SLC24A1: variants seen among roughly 807,000 people sequenced by gnomAD.
SLC24A1 encodes sodium/potassium/calcium exchanger 1.
Under a neutral mutation model 88.1 loss-of-function variants are expected in SLC24A1, and 52 were observed. That is an observed-to-expected ratio of 0.59 (90% CI 0.47 to 0.74). SLC24A1 has a LOEUF of 0.74. Among genes scored for constraint, SLC24A1 ranks in the 30% least tolerant of loss-of-function variants. The probability of loss-of-function intolerance (pLI) is 0.00; values close to 1 mark genes in which losing one functional copy is unlikely to be tolerated. For missense variants in SLC24A1, 1,173 were observed against 1,363.3 expected (o/e 0.86, Z 2.20); for synonymous variants, 455 against 498.0 (o/e 0.91, Z 1.15).
At chr15:65,656,307 G>A, downstream of SLC24A1, 1 of 950,464 alleles carries the variant, frequency 1.1e-6, no homozygotes, top group Non-Finnish European at 1.3e-6. Context: ...CCTTTGCCTA[G>A]AAAGGAAGTT....
chr15:65,652,231 C>T, intron 8 of SLC24A1: 1 of 296,982 alleles, frequency 3.4e-6, no homozygotes, highest in Non-Finnish European at 6.4e-6. Context: ...TCTATGTCAT[C>T]CTGCTCATAC....
At chr15:65,660,234 C>G (rs1472963100), downstream of SLC24A1, 2 of 1,479,574 alleles carry the variant, frequency 1.4e-6, no homozygotes, top group East Asian at 4.9e-5. Context: ...CAGCCCCAAA[C>G]TAACTGAAGT....
intron 2 of SLC24A1, among the ~76,000 whole-genome samples, chr15:65,633,575 G>A (rs906009820): frequency 4.0e-5 from 6 of 151,684 alleles, no homozygotes; most frequent in Admixed American, 2.0e-4. Flanking sequence ...CAGGAGAATC[G>A]CTTAAACCCA....
intron 8 of SLC24A1, chr15:65,652,028 C>T: frequency 4.5e-6 from 2 of 439,604 alleles, no homozygotes; most frequent in Non-Finnish European, 8.6e-6. Context: ...GCCTTATTTC[C>T]TGCTTTCTCT....
upstream of SLC24A1, among the ~76,000 whole-genome samples, chr15:65,619,966 G>A (rs2141418237): frequency 6.6e-6 from 1 of 152,138 alleles, no homozygotes; most frequent in Non-Finnish European, 1.5e-5. Flanking sequence ...AAAAGATCAT[G>A]AGCTTTTTGA....
In SLC24A1 at chr15:65,624,523, G is replaced by A; in HGVS notation, c.443G>A (p.Ser148Asn). 1 of 1,603,516 alleles carries A rather than the reference G, an allele frequency of 6.2e-7. No homozygotes were observed. Among genetic ancestry groups the A allele is most frequent in the Non-Finnish European group, 8.5e-7 (1 of 1,174,676 alleles). Reference protein sequence around the residue: ...ERRKEDTPTSSRTLTYYTSTS... With the variant: ...ERRKEDTPTSNRTLTYYTSTS... ...AGGAAGGAAGACACCCCAACATCCA[G>A]TAGAACACTGACTTACTACACCTCA... Residue 148 changes from serine to asparagine, a missense_variant, in exon 2 of 10, where the codon AGT becomes AAT. Physicochemically the swap from Ser to Asn is conservative, Grantham distance 46. Transcript: ENST00000261892.
intron 4 of SLC24A1, chr15:65,643,155 T>G (rs1278235508): frequency 4.6e-6 from 3 of 655,790 alleles, no homozygotes; most frequent in Admixed American, 2.5e-5. Context: ...TGTCACCAAC[T>G]CTGGAAGATT....
intron 2 of SLC24A1, among the ~76,000 whole-genome samples, chr15:65,635,848 C>T (rs947971836): frequency 6.6e-6 from 1 of 152,210 alleles, no homozygotes; most frequent in African/African-American, 2.4e-5. Context: ...TCTGTATTAT[C>T]ATTGGCCTCA....
In SLC24A1 at chr15:65,625,064, G is replaced by A. The variant is rs772571056; in HGVS notation, c.984G>A (p.Met328Ile). ...TSEGQVTIST[M>I]TGSSPAETKA... is the part of the protein sequence containing the mutation. ...AGGGGCAGGTGACAATAAGCACCAT[G>A]ACAGGCAGCAGCCCAGCAGAAACCA... The change falls in exon 2 of 10, where the codon ATG becomes ATA. Residue 328 changes from methionine to isoleucine, a missense_variant. By Grantham distance (10) the Met-to-Ile change is conservative (BLOSUM62 1). Coordinates refer to ENST00000261892, the MANE Select transcript of SLC24A1 (RefSeq NM_004727.3). 91 of 1,613,662 alleles carry A rather than the reference G, an allele frequency of 5.6e-5. No individual in the cohort carries two copies. Among genetic ancestry groups the A allele is most frequent in the Non-Finnish European group, 7.6e-5 (90 of 1,179,878 alleles).
At chr15:65,619,861 C>G (rs890633048), upstream of SLC24A1, among the ~76,000 whole-genome samples, 3 of 151,976 alleles carry the variant, frequency 2.0e-5, no homozygotes, top group Non-Finnish European at 4.4e-5. Context: ...CCATCCTGTT[C>G]CAGGGGAGGG....
At chr15:65,623,344 G>A (rs930355106) in intron 1 of SLC24A1, among the ~76,000 whole-genome samples, 1 of 152,102 alleles carries the variant, frequency 6.6e-6, no homozygotes, top group African/African-American at 2.4e-5. Context: ...AGCAGAACAG[G>A]GAGTCTAGGC....
chr15:65,633,096 C>T lies in SLC24A1; in HGVS notation c.1891-5032C>T, dbSNP rs920582396. Among the ~76,000 whole-genome samples the T allele has an allele frequency of 2.0e-5, 3 of 152,114 alleles. No individual in the cohort carries two copies. In the East Asian group the frequency reaches 5.8e-4, roughly 29 times the overall value. On this transcript the variant is annotated intron_variant, in intron 2 of 9. Coordinates refer to ENST00000261892, the MANE Select transcript of SLC24A1 (RefSeq NM_004727.3). ...GAATCTTGAAGGACAAGCAGGAATT[C>T]ACTGACTATACAAGGGCTAGGGAGT...
At chr15:65,657,160 T>C (rs1235786324), downstream of SLC24A1, among the ~76,000 whole-genome samples, 4 of 152,070 alleles carry the variant, frequency 2.6e-5, no homozygotes, top group Non-Finnish European at 5.9e-5. Context: ...CATGAGCCAC[T>C]GTACCCAGCC....
upstream of SLC24A1, among the ~76,000 whole-genome samples, chr15:65,617,411 T>A (rs1596295532): frequency 6.6e-6 from 1 of 152,372 alleles, no homozygotes; most frequent in East Asian, 1.9e-4. Context: ...CGTTGAGCAG[T>A]GGTTTGTAGT....
intron 4 of SLC24A1, chr15:65,642,971 G>T (rs2075179987): frequency 7.8e-7 from 1 of 1,286,782 alleles, no homozygotes; most frequent in African/African-American, 1.5e-5. Context: ...GGACCCTCTG[G>T]GATGCCGGGC....
downstream of SLC24A1, chr15:65,660,413 T>C (rs1054562833): frequency 3.7e-5 from 35 of 945,080 alleles, no homozygotes; most frequent in Non-Finnish European, 5.3e-5. Flanking sequence ...TCGTGGACTC[T>C]ACTGGCTTTA....
downstream of SLC24A1, among the ~76,000 whole-genome samples, chr15:65,657,301 AG>A (rs2043999419): frequency 1.3e-5 from 2 of 152,206 alleles, no homozygotes; most frequent in Admixed American, 1.3e-4. Context: ...TGAGTACCAA[AG>A]GGGGCAGGAA....
At chr15:65,629,786 T>C (rs1049821059) in intron 2 of SLC24A1, among the ~76,000 whole-genome samples, 3 of 152,112 alleles carry the variant, frequency 2.0e-5, no homozygotes, top group Non-Finnish European at 4.4e-5. Flanking sequence ...ATGAGGTGTA[T>C]GATTAGCAAG....
chr15:65,654,706 T>TA lies in SLC24A1; in HGVS notation c.*627_*628insA. 1 of 1,272,752 alleles carries TA rather than the reference T, an allele frequency of 7.9e-7. No homozygotes were observed. Among genetic ancestry groups the TA allele is most frequent in the Non-Finnish European group, 1.0e-6 (1 of 980,120 alleles). 78.8% of individuals were successfully genotyped at this position (1,272,752 alleles called of 1,614,324 possible). A position where few individuals can be genotyped will look rare whatever the true frequency, so the allele number is the denominator to read the frequency against. ...TGCATCTGGATATATACCAGTATTT[T>TA]CTTTTTTTTTTTTTTTGAGACAGAG... On this transcript the variant is annotated 3_prime_UTR_variant, in exon 10 of 10. Coordinates refer to ENST00000261892, the MANE Select transcript of SLC24A1 (RefSeq NM_004727.3).
Sources: allele counts gnomAD v4.1 joint callset (sites outside exome capture counted in the v4.1 genomes callset), GRCh38; gene constraint gnomAD v4.1.1; transcripts MANE v1.5; gene names NCBI Gene and HGNC (gene_info 2026-07-23, HGNC 2026-07-21).